Variants in AGPAT3 observed in about 807,000 individuals in gnomAD.
AGPAT3 encodes the protein 1-acylglycerol-3-phosphate O-acyltransferase 3, also known as 1-acyl-sn-glycerol-3-phosphate acyltransferase gamma.
A neutral mutation model predicts 47.3 loss-of-function variants in AGPAT3; 5 were observed. The ratio of observed to expected loss-of-function variants is 0.11; its 90% CI spans 0.06 to 0.22. AGPAT3 has a LOEUF of 0.22. Among genes scored for constraint, AGPAT3 ranks in the 10% least tolerant of loss-of-function variants. AGPAT3 has a pLI of 1.00. For synonymous variants in AGPAT3, 212 were observed against 208.3 expected (o/e 1.02, Z -0.15); for missense variants, 315 against 493.0 (o/e 0.64, Z 3.42).
chr21:43,982,260 A>G lies in AGPAT3; in HGVS notation c.1043-44A>G. On this transcript the variant is annotated intron_variant, in intron 9 of 9. Coordinates refer to ENST00000291572, the MANE Select transcript of AGPAT3 (RefSeq NM_020132.5). The surrounding 1 kb of genome is among the most constrained non-coding windows in gnomAD (Gnocchi z 6.2). ...TAACACGTTTTACAGCAAAAAGGCA[A>G]AGTCATCCGTCTCACCTCTTCTCTC... is the stretch of plus-strand genomic sequence containing the variant. 2 of 1,513,736 alleles carry G rather than the reference A, an allele frequency of 1.3e-6. No homozygotes were observed. The highest frequency in any genetic ancestry group is 1.8e-6 in the Non-Finnish European group (2 of 1,096,296). The allele number at this position is 1,513,736 out of a possible 1,614,324, so 93.8% of individuals were successfully genotyped here.
At chr21:43,904,736 G>C (rs1439387066) in intron 2 of AGPAT3, among the ~76,000 whole-genome samples, 9 of 152,130 alleles carry the variant, frequency 5.9e-5, no homozygotes, top group Non-Finnish European at 1.2e-4. Flanking sequence ...CCCGTTCCCA[G>C]GCCCGCTGCT....
In AGPAT3 at chr21:43,985,475, C is replaced by A; in HGVS notation, c.*3083C>A. On this transcript the variant is annotated 3_prime_UTR_variant, in exon 10 of 10. Coordinates refer to ENST00000291572, the MANE Select transcript of AGPAT3 (RefSeq NM_020132.5). ...GCCTGTCCCGACTCCCTTTCGCGCA[C>A]CGTGGCATGAGAATCTTTCCTCACG... 1 of 319,166 alleles carries A rather than the reference C, an allele frequency of 3.1e-6. No individual in the cohort carries two copies. Among genetic ancestry groups the A allele is most frequent in the South Asian group, 2.5e-5 (1 of 39,758 alleles). The allele number at this position is 319,166 out of a possible 1,614,324, so 19.8% of individuals were successfully genotyped here.
intron 1 of AGPAT3, among the ~76,000 whole-genome samples, chr21:43,896,923 A>G (rs1302825406): frequency 8.6e-5 from 11 of 127,336 alleles, no homozygotes; most frequent in Admixed American, 2.3e-4. Context: ...GATCTTTTTT[A>G]AATTGAAGTT....
chr21:43,890,095 C>T (rs563032852), intron 1 of AGPAT3, among the ~76,000 whole-genome samples: 26 of 152,134 alleles, frequency 1.7e-4, no homozygotes, highest in Non-Finnish European at 2.6e-4. Flanking sequence ...GAATTGTAAT[C>T]CCCAGTGTTG....
intron 1 of AGPAT3, among the ~76,000 whole-genome samples, chr21:43,900,393 TG>T (rs1433360442): frequency 1.3e-5 from 2 of 152,188 alleles, no homozygotes; most frequent in Non-Finnish European, 2.9e-5. Context: ...CAGACACTGG[TG>T]GCAGGCCGTG....
At chr21:43,904,491 C>T (rs2086439565) in intron 2 of AGPAT3, among the ~76,000 whole-genome samples, 1 of 152,102 alleles carries the variant, frequency 6.6e-6, no homozygotes, top group South Asian at 2.1e-4. Context: ...CCGTGGGGAG[C>T]CCAGCTATCT....
In AGPAT3 at chr21:43,970,328, T is replaced by C. The variant is rs184132035; in HGVS notation, c.511-325T>C. 2.6e-5 allele frequency among the ~76,000 whole-genome samples: 4 copies of C among 152,332 alleles called. No homozygotes were observed. Among genetic ancestry groups the C allele is most frequent in the Admixed American group, 6.5e-5 (1 of 15,300 alleles). ...GCCTGCTGTTAACATTTCTAACTCA[T>C]GCTGTGGCAAGTCGATGAAACCCTC... On this transcript the variant is annotated intron_variant, in intron 5 of 9. Transcript: ENST00000291572. The surrounding 1 kb of genome is among the most constrained non-coding windows in gnomAD (Gnocchi z 5.8).
intron 2 of AGPAT3, among the ~76,000 whole-genome samples, chr21:43,926,019 C>T (rs778919219): frequency 3.3e-5 from 5 of 152,202 alleles, no homozygotes; most frequent in African/African-American, 9.6e-5. Flanking sequence ...TTTCAGTGTC[C>T]GATGGAGAAG....
At chr21:43,967,343 C>T (rs966127588) in intron 3 of AGPAT3, 1 of 152,510 alleles carries the variant, frequency 6.6e-6, no homozygotes, top group African/African-American at 2.4e-5. Flanking sequence ...TCTCTGGGGA[C>T]CCCGCAGGCC....
At position 43,955,096 on chromosome 21, in the gene AGPAT3, T is replaced by C; in HGVS notation, c.-48-4538T>C. 1 of 1,263,726 alleles carries C rather than the reference T, an allele frequency of 7.9e-7. No individual in the cohort carries two copies. Among genetic ancestry groups the C allele is most frequent in the Admixed American group, 2.4e-5 (1 of 41,302 alleles). 78.3% of individuals were successfully genotyped at this position (1,263,726 alleles called of 1,614,324 possible). ...GCCAGCTGCCTGTCGGCAGGGAGCG[T>C]ATCACCGTGGCACGTCCATGCCGTG... On this transcript the variant is annotated intron_variant, in intron 2 of 9. Transcript: ENST00000291572. This position sits in a 1 kb window ranked among gnomAD's most constrained non-coding sequence, Gnocchi z 4.1.
chr21:43,893,916 G>A (rs527769322), intron 1 of AGPAT3, among the ~76,000 whole-genome samples: 38 of 152,304 alleles, frequency 2.5e-4, no homozygotes, highest in African/African-American at 8.7e-4. Flanking sequence ...GAACGATTGC[G>A]AAAATTACCA....
Position 43,959,680 on chromosome 21 carries a change from C to G in AGPAT3, c.-2C>G. The G allele has an allele frequency of 6.2e-7, 1 of 1,612,780 alleles. No individual in the cohort carries two copies. The highest frequency in any genetic ancestry group is 1.1e-5 in the South Asian group (1 of 91,084). Reference sequence around the variant, plus strand: ...GCCGTGCACCCGCTCCTGAGCAGCGCCATGGGCCTGCTGGCCTTCCTGAAG... The same window carrying G: ...GCCGTGCACCCGCTCCTGAGCAGCGGCATGGGCCTGCTGGCCTTCCTGAAG... On this transcript the variant is annotated 5_prime_UTR_variant, in exon 3 of 10. Transcript: ENST00000291572.
intron 2 of AGPAT3, among the ~76,000 whole-genome samples, chr21:43,917,038 T>A (rs1168594791): frequency 2.0e-5 from 3 of 152,138 alleles, no homozygotes; most frequent in African/African-American, 7.2e-5. Flanking sequence ...CCCTCTCTCC[T>A]GTCCCAGAGC....
intron 3 of AGPAT3, among the ~76,000 whole-genome samples, chr21:43,962,284 G>C (rs1313753668): frequency 6.6e-6 from 1 of 152,152 alleles, no homozygotes; most frequent in East Asian, 1.9e-4. Context: ...TTACAGGCGT[G>C]AGCCACCGCG....
In AGPAT3 at chr21:43,924,155, A is replaced by T. The variant is rs183038748; in HGVS notation, c.-49+20136A>T. ...CAGCCTCCCGAGTAGCTGGGACTAC[A>T]GGTGCCCGCCAGCACGCCTGCCTAA... On this transcript the variant is annotated intron_variant, in intron 2 of 9. Coordinates refer to ENST00000291572, the MANE Select transcript of AGPAT3 (RefSeq NM_020132.5). Among the ~76,000 whole-genome samples the T allele has an allele frequency of 6.0e-3, 899 of 150,722 alleles. 9 individuals carry two copies. The highest frequency in any genetic ancestry group is 0.021 in the African/African-American group (855 of 41,056).
chr21:43,913,790 G>A (rs1473207009), intron 2 of AGPAT3, among the ~76,000 whole-genome samples: 3 of 152,232 alleles, frequency 2.0e-5, no homozygotes, highest in South Asian at 2.1e-4. Context: ...GGGCACAGCC[G>A]GCCCTGCAGC....
At chr21:43,926,962 G>A (rs1482956822) in intron 2 of AGPAT3, among the ~76,000 whole-genome samples, 2 of 139,468 alleles carry the variant, frequency 1.4e-5, no homozygotes, top group Non-Finnish European at 3.0e-5. Context: ...CTAGGCGACA[G>A]AGGAAGACTC....
intron 3 of AGPAT3, among the ~76,000 whole-genome samples, chr21:43,961,569 C>T (rs906423431): frequency 3.7e-5 from 5 of 133,658 alleles, no homozygotes; most frequent in African/African-American, 9.4e-5. Context: ...ACAGTGAGCG[C>T]GTAGACACTT....
At chr21:43,878,774 GC>G (rs1278674486) in intron 1 of AGPAT3, among the ~76,000 whole-genome samples, 1 of 134,758 alleles carries the variant, frequency 7.4e-6, no homozygotes, top group African/African-American at 2.9e-5. Context: ...TTACTCTGTT[GC>G]CCAGACGGGA....
Sources: gnomAD v4.1 joint callset for allele counts (sites outside exome capture counted in the v4.1 genomes callset) on GRCh38, gnomAD v4.1.1 for gene constraint, Gnocchi (gnomAD v3.1) non-coding constraint, MANE v1.5 for transcripts, NCBI Gene and HGNC (gene_info 2026-07-23, HGNC 2026-07-21) for gene names.